The following SPACA3 variants were observed in gnomAD, a reference collection of about 807,000 sequenced individuals.
The protein encoded by SPACA3 is sperm acrosome membrane-associated protein 3.
SPACA3 carries 21 observed loss-of-function variants against 24.5 expected under a neutral mutation model. That is an observed-to-expected ratio of 0.86 (90% CI 0.61 to 1.24). The LOEUF is 1.24. Ranked by LOEUF, SPACA3 falls within the 50% of genes most tolerant of loss-of-function variation. The pLI, the probability that SPACA3 is intolerant of heterozygous loss-of-function variation, is 0.00. For missense variants in SPACA3, 278 were observed against 275.5 expected (o/e 1.01, Z -0.06); for synonymous variants, 115 against 106.9 (o/e 1.08, Z -0.47).
At chr17:32,996,812 G>T in intron 2 of SPACA3, 31 bp from the exon 3 acceptor site, 1 of 1,477,628 alleles carries the variant, frequency 6.8e-7, no homozygotes, top group South Asian at 1.5e-5. Flanking sequence ...GTAACCATCT[G>T]ACCCCCAGGC....
intron 1 of SPACA3, among the ~76,000 whole-genome samples, chr17:32,994,945 G>A (rs2091712652): frequency 6.6e-6 from 1 of 152,192 alleles, no homozygotes; most frequent in Admixed American, 6.5e-5. Context: ...GGGGTCTTGT[G>A]TGTGGAGAAA....
chr17:32,995,323 A>G, intron 1 of SPACA3, 86 bp from the exon 2 acceptor site: 1 of 1,308,916 alleles, frequency 7.6e-7, no homozygotes. Flanking sequence ...GGTCAGGGTG[A>G]TGCTGATCAG....
chr17:32,994,577 G>C (rs2091710791), intron 1 of SPACA3, among the ~76,000 whole-genome samples: 1 of 152,168 alleles, frequency 6.6e-6, no homozygotes, highest in Non-Finnish European at 1.5e-5. Flanking sequence ...TGGAGGCGCA[G>C]AGGTCAAGAG....
chr17:32,997,139 T>C, intron 3 of SPACA3, 138 bp downstream of exon 3: 1 of 1,023,826 alleles, frequency 9.8e-7, no homozygotes, highest in Non-Finnish European at 1.4e-6. Context: ...GAGAGGGAGA[T>C]GGGACAAGGG....
intron 1 of SPACA3, among the ~76,000 whole-genome samples, chr17:32,993,250 C>T (rs532245709): frequency 6.6e-6 from 1 of 152,278 alleles, no homozygotes; most frequent in East Asian, 1.9e-4. Context: ...GAGGTGCCTG[C>T]AGGGCATTCA....
intron 1 of SPACA3, 28 bp from the exon 2 acceptor site, chr17:32,995,381 A>C: frequency 6.4e-7 from 1 of 1,561,882 alleles, no homozygotes. Flanking sequence ...CCTTCTGCCC[A>C]CCCCTTCTCT....
intron 2 of SPACA3, 145 bp from the exon 3 acceptor site, chr17:32,996,698 A>C: frequency 1.4e-6 from 1 of 723,884 alleles, no homozygotes; most frequent in Non-Finnish European, 1.8e-6. Flanking sequence ...ATTGGTTTGC[A>C]AAGCAGGTGG....
chr17:32,992,273 C>G (rs1352431097), intron 1 of SPACA3, among the ~76,000 whole-genome samples: 2 of 151,880 alleles, frequency 1.3e-5, no homozygotes, highest in Non-Finnish European at 2.9e-5. Context: ...GATATTAACC[C>G]CACACCTTTC....
chr17:32,992,432 G>A (rs1159155921), intron 1 of SPACA3, among the ~76,000 whole-genome samples: 1 of 152,148 alleles, frequency 6.6e-6, no homozygotes, highest in Admixed American at 6.5e-5. Context: ...TGTCCCTGTG[G>A]CCACGCCTTT....
intron 1 of SPACA3, among the ~76,000 whole-genome samples, chr17:32,993,710 T>G: frequency 6.6e-6 from 1 of 150,688 alleles, no homozygotes; most frequent in African/African-American, 2.4e-5. Context: ...TCCCCAGGAG[T>G]TTGGGCGAGA....
intron 1 of SPACA3, 24 bp downstream of exon 1, chr17:32,991,996 T>C: frequency 6.2e-7 from 1 of 1,612,900 alleles, no homozygotes; most frequent in Non-Finnish European, 8.5e-7. Flanking sequence ...CCCTTCTTCC[T>C]GGGGCTGTTA....
Position 32,991,948 on chromosome 17 carries a change from G to T in SPACA3, c.10G>T (p.Ala4Ser). 6.2e-7 allele frequency: 1 copy of T among 1,613,960 alleles called. No homozygotes were observed. Residue 4 changes from alanine (A) to serine (S), a missense_variant, in exon 1 of 5, where the codon GCT becomes TCT. Coordinates refer to ENST00000269053, the MANE Select transcript of SPACA3 (RefSeq NM_173847.5). MVS[A>S]LRGAPLIRVH... Reference sequence around the variant, plus strand: ...TGCTGCCATTGTCACCATGGTCTCAGCTCTGCGGGGAGCACCCCTGATCAG... The same window carrying T: ...TGCTGCCATTGTCACCATGGTCTCATCTCTGCGGGGAGCACCCCTGATCAG...
chr17:32,991,926 T>C lies in SPACA3; in HGVS notation c.-13T>C. 1 of 1,614,038 alleles carries C rather than the reference T, an allele frequency of 6.2e-7. No homozygotes were observed. Among genetic ancestry groups the C allele is most frequent in the South Asian group, 1.1e-5 (1 of 91,076 alleles). Reference sequence around the variant, plus strand: ...CAGGGTTTTGAGCCACTGCTGCTGCTGCCATTGTCACCATGGTCTCAGCTC... The same window carrying C: ...CAGGGTTTTGAGCCACTGCTGCTGCCGCCATTGTCACCATGGTCTCAGCTC... On this transcript the variant is annotated 5_prime_UTR_variant, in exon 1 of 5. Coordinates refer to ENST00000269053, the MANE Select transcript of SPACA3 (RefSeq NM_173847.5).
At chr17:32,995,064 C>A (rs2091713136) in intron 1 of SPACA3, among the ~76,000 whole-genome samples, 1 of 152,204 alleles carries the variant, frequency 6.6e-6, no homozygotes, top group African/African-American at 2.4e-5. Context: ...TGTCCCTTGA[C>A]AGTTGGGCTG....
chr17:32,996,986 C>G lies in SPACA3; in HGVS notation c.487C>G (p.Arg163Gly). 1 of 1,557,118 alleles carries G rather than the reference C, an allele frequency of 6.4e-7. No individual in the cohort carries two copies. Among genetic ancestry groups the G allele is most frequent in the Non-Finnish European group, 8.7e-7 (1 of 1,151,530 alleles). ...CACCCCGAACGTCCCCAACGTGTGC[C>G]GGATGTACTGCTCAGGTAGCTGGGC... ...NLTPNVPNVC[R>G]MYCSDLLNPN... Residue 163 changes from arginine (R) to glycine (G), a missense_variant, in exon 3 of 5, where the codon CGG becomes GGG. Arg to Gly is a moderately radical substitution (Grantham distance 125). Transcript: ENST00000269053.
intron 2 of SPACA3, among the ~76,000 whole-genome samples, chr17:32,996,572 T>C (rs568543830): frequency 2.6e-5 from 4 of 151,572 alleles, no homozygotes; most frequent in African/African-American, 9.7e-5. Context: ...AACAATGAGA[T>C]AATGGGAAGA....
intron 2 of SPACA3, 111 bp from the exon 3 acceptor site, chr17:32,996,732 G>C (rs1321355482): frequency 3.2e-6 from 4 of 1,244,764 alleles, no homozygotes; most frequent in Non-Finnish European, 3.1e-6. Context: ...CAATCACCTT[G>C]ATCAGGCAGG....
chr17:32,994,648 A>G (rs1332269990), intron 1 of SPACA3, among the ~76,000 whole-genome samples: 1 of 152,064 alleles, frequency 6.6e-6, no homozygotes, highest in African/African-American at 2.4e-5. Context: ...AGAGGTGGGG[A>G]AATGCGGGTG....
intron 1 of SPACA3, 88 bp from the exon 2 acceptor site, chr17:32,995,321 T>G (rs1598223209): frequency 2.3e-6 from 3 of 1,283,828 alleles, no homozygotes; most frequent in Admixed American, 2.2e-5. Flanking sequence ...GGGGTCAGGG[T>G]GATGCTGATC....
Sources: gnomAD v4.1 joint callset for allele counts (sites outside exome capture counted in the v4.1 genomes callset) on GRCh38, gnomAD v4.1.1 for gene constraint, MANE v1.5 for transcripts, NCBI Gene and HGNC (gene_info 2026-07-23, HGNC 2026-07-21) for gene names.